STXBP5: variants seen among roughly 807,000 people sequenced by gnomAD.
STXBP5 encodes the protein syntaxin binding protein 5.
In STXBP5, 50 loss-of-function variants were observed where a neutral mutation model predicts 152.4. The ratio of observed to expected loss-of-function variants is 0.33; its 90% CI spans 0.26 to 0.42. The LOEUF (loss-of-function observed/expected upper bound fraction) is 0.42, where lower values mean the gene tolerates loss of function less well. STXBP5 is among the 10% of genes least tolerant of loss of function. The pLI, the probability that STXBP5 is intolerant of heterozygous loss-of-function variation, is 1.00. For missense variants in STXBP5, 1,167 were observed against 1,388.6 expected, an observed-to-expected ratio of 0.84 and a Z score of 2.54; for synonymous variants, 492 against 494.7, an observed-to-expected ratio of 0.99 and a Z score of 0.07.
intron 25 of STXBP5, among the ~76,000 whole-genome samples, chr6:147,364,978 A>G (rs1785229539): frequency 6.6e-6 from 1 of 152,200 alleles, no homozygotes; most frequent in Non-Finnish European, 1.5e-5. Context: ...GTAATCATAA[A>G]CAAGTTACTC....
rs764684701 is a variant in STXBP5 at position 147,324,263 on chromosome 6, G to GTTTTTTTT, written c.1803-696_1803-695insTTTTTTTT. On this transcript the variant is annotated intron_variant, in intron 16 of 27. Coordinates refer to ENST00000321680, the MANE Select transcript of STXBP5 (RefSeq NM_001127715.4). ...TTTAAGTTTTGTGGGGTTTTTTTTTGGTTTTTTTTTTTTTTTTTTTTTTTT... is the reference window on the plus strand; with the variant it reads ...TTTAAGTTTTGTGGGGTTTTTTTTTGTTTTTTTTGTTTTTTTTTTTTTTTTTTTTTTTT... Among the ~76,000 whole-genome samples the GTTTTTTTT allele has an allele frequency of 1.4e-3, 123 of 85,024 alleles. 7 individuals carry two copies. The highest frequency in any genetic ancestry group is 6.0e-3 in the South Asian group (14 of 2,326). The allele number at this position is 85,024 out of a possible 152,430, so 55.8% of individuals were successfully genotyped here.
chr6:147,227,781 G>A (rs147858057), intron 2 of STXBP5, among the ~76,000 whole-genome samples: 29 of 152,206 alleles, frequency 1.9e-4, no homozygotes, highest in Non-Finnish European at 4.1e-4. Context: ...AGTTGAAAAT[G>A]GGTGAACAGT....
chr6:147,358,621 A>G (rs1784916208), intron 22 of STXBP5, among the ~76,000 whole-genome samples: 1 of 152,228 alleles, frequency 6.6e-6, no homozygotes, highest in African/African-American at 2.4e-5. Context: ...CTAAAAGCCT[A>G]CTGTTGACTG....
At position 147,334,231 on chromosome 6, in the gene STXBP5, GT is replaced by G. The variant is rs559825275; in HGVS notation, c.2146+18del. On this transcript the variant is annotated intron_variant, in intron 19 of 27. Coordinates refer to ENST00000321680, the MANE Select transcript of STXBP5 (RefSeq NM_001127715.4). Reference sequence around the variant, plus strand: ...CAAATCTCCAACCTCTGGTAATTTGGTTTTTTTTTATTTCATTAATAATTAT... The same window carrying G: ...CAAATCTCCAACCTCTGGTAATTTGGTTTTTTTTATTTCATTAATAATTAT... The G allele has an allele frequency of 5.3e-5, 84 of 1,598,310 alleles. No individual in the cohort carries two copies. The highest frequency in any genetic ancestry group is 5.0e-4 in the African/African-American group (37 of 74,230).
intron 18 of STXBP5, among the ~76,000 whole-genome samples, chr6:147,331,726 G>C (rs1192409097): frequency 6.9e-6 from 1 of 143,922 alleles, no homozygotes; most frequent in South Asian, 2.3e-4. Context: ...TGTTTATGTT[G>C]TATTTTCCCC....
intron 27 of STXBP5, among the ~76,000 whole-genome samples, chr6:147,384,049 T>A (rs1324018942): frequency 2.6e-5 from 4 of 152,176 alleles, no homozygotes; most frequent in African/African-American, 9.6e-5. Flanking sequence ...ATTCACACTC[T>A]GAATATTTAG....
intron 2 of STXBP5, among the ~76,000 whole-genome samples, chr6:147,211,691 A>G (rs1378158858): frequency 2.6e-5 from 4 of 152,104 alleles, no homozygotes; most frequent in African/African-American, 7.2e-5. Context: ...GGCTCAAGCA[A>G]TCCTCCTACC....
rs534594302 is a variant in STXBP5 at position 147,319,294 on chromosome 6, C to G, written c.1802+2887C>G. On this transcript the variant is annotated intron_variant, in intron 16 of 27. Transcript: ENST00000321680. ...AATCTCTTACCCAAACCACTCTTCT[C>G]CTATAATTTGATTAGCCTGGAATTA... Among the ~76,000 whole-genome samples, 28 of 152,122 alleles carry G rather than the reference C, an allele frequency of 1.8e-4. No individual in the cohort carries two copies. In the South Asian group the frequency reaches 5.6e-3, roughly 30 times the overall value.
At chr6:147,273,797 A>G (rs1193357912) in intron 7 of STXBP5, among the ~76,000 whole-genome samples, 1 of 152,014 alleles carries the variant, frequency 6.6e-6, no homozygotes, top group African/African-American at 2.4e-5. Flanking sequence ...TAAAAATACA[A>G]AAAAACTAGC....
At position 147,217,733 on chromosome 6, in the gene STXBP5, T is replaced by C. The variant is rs191545265; in HGVS notation, c.248+11665T>C. Among the ~76,000 whole-genome samples the C allele has an allele frequency of 2.5e-3, 380 of 152,338 alleles. 2 individuals carry two copies. Among genetic ancestry groups the C allele is most frequent in the African/African-American group, 8.5e-3 (352 of 41,586 alleles). On this transcript the variant is annotated intron_variant, in intron 2 of 27. Transcript: ENST00000321680. ...GTATTAGTCTGAATGTTGCAATTAC[T>C]TTTCTGTTTTGGTGCTTGTTTTATT...
chr6:147,334,933 T>C (rs1482449173), intron 19 of STXBP5, among the ~76,000 whole-genome samples: 1 of 152,134 alleles, frequency 6.6e-6, no homozygotes, highest in Non-Finnish European at 1.5e-5. Context: ...CTTCCATAGC[T>C]GGTATACTAC....
intron 9 of STXBP5, among the ~76,000 whole-genome samples, chr6:147,296,378 A>G (rs1255539966): frequency 2.6e-5 from 4 of 152,334 alleles, no homozygotes; most frequent in East Asian, 1.9e-4. Context: ...CATGGCTGAC[A>G]TGGATTACAG....
intron 3 of STXBP5, among the ~76,000 whole-genome samples, chr6:147,238,883 T>G (rs1778403307): frequency 1.3e-5 from 2 of 152,210 alleles, no homozygotes; most frequent in Admixed American, 1.3e-4. Context: ...TTTAAATAAC[T>G]AGATCTTAAC....
intron 2 of STXBP5, among the ~76,000 whole-genome samples, chr6:147,211,513 TG>T (rs1481582169): frequency 1.3e-5 from 2 of 152,108 alleles, no homozygotes; most frequent in Non-Finnish European, 2.9e-5. Context: ...AATTATACCA[TG>T]GAAAAAAAAT....
chr6:147,204,709 A>C lies in STXBP5; in HGVS notation c.150+27A>C, dbSNP rs749466897. On this transcript the variant is annotated intron_variant, in intron 1 of 27. Transcript: ENST00000321680. The surrounding 1 kb of genome is among the most constrained non-coding windows in gnomAD (Gnocchi z 4.3). ...TGAACGGAGCGCGCAGCCCCGCGAC[A>C]CCGTCATTGAAAAATTGGGGTTGTT... 1 of 1,528,914 alleles carries C rather than the reference A, an allele frequency of 6.5e-7. No individual in the cohort carries two copies. Among genetic ancestry groups the C allele is most frequent in the Admixed American group, 2.1e-5 (1 of 48,246 alleles). The allele number at this position is 1,528,914 out of a possible 1,614,324, so 94.7% of individuals were successfully genotyped here.
intron 3 of STXBP5, among the ~76,000 whole-genome samples, chr6:147,238,398 C>G (rs1462613972): frequency 1.3e-5 from 2 of 152,174 alleles, no homozygotes; most frequent in African/African-American, 2.4e-5. Flanking sequence ...AAACCCTTCA[C>G]AGAGGCAGAT....
chr6:147,234,827 C>T (rs1480905454), intron 2 of STXBP5, among the ~76,000 whole-genome samples: 1 of 151,870 alleles, frequency 6.6e-6, no homozygotes, highest in African/African-American at 2.4e-5. Context: ...CATTACTATT[C>T]CTAAAAGCAA....
intron 26 of STXBP5, among the ~76,000 whole-genome samples, chr6:147,379,791 A>G (rs1785987529): frequency 6.6e-6 from 1 of 152,054 alleles, no homozygotes; most frequent in South Asian, 2.1e-4. Flanking sequence ...AGTTTTAGCA[A>G]GGTTTCAGGA....
At chr6:147,332,047 C>T (rs1428650671) in intron 18 of STXBP5, among the ~76,000 whole-genome samples, 2 of 152,166 alleles carry the variant, frequency 1.3e-5, no homozygotes, top group South Asian at 4.1e-4. Flanking sequence ...TCACTTAAGA[C>T]CACTTAGCTA....
Sources: gnomAD v4.1 joint callset for allele counts (sites outside exome capture counted in the v4.1 genomes callset) on GRCh38, gnomAD v4.1.1 for gene constraint, Gnocchi (gnomAD v3.1) non-coding constraint, MANE v1.5 for transcripts, NCBI Gene and HGNC (gene_info 2026-07-23, HGNC 2026-07-21) for gene names.